The following THRB variants were observed in gnomAD, a reference collection of about 807,000 sequenced individuals.
The protein encoded by THRB is thyroid hormone receptor beta.
A neutral mutation model predicts 47.8 loss-of-function variants in THRB; 12 were observed. The observed-to-expected ratio is 0.25, with a 90% CI of 0.16 to 0.41. THRB has a LOEUF of 0.41. Ranked by LOEUF, THRB falls within the 10% of genes least tolerant of loss-of-function variation. The probability of loss-of-function intolerance (pLI) is 1.00; values close to 1 mark genes in which losing one functional copy is unlikely to be tolerated. For missense variants in THRB, 348 were observed against 589.2 expected, an observed-to-expected ratio of 0.59 and a Z score of 4.24; for synonymous variants, 218 against 212.2, an observed-to-expected ratio of 1.03 and a Z score of -0.24.
At chr3:24,156,245 G>A (rs2037819110) in intron 5 of THRB, among the ~76,000 whole-genome samples, 2 of 152,210 alleles carry the variant, frequency 1.3e-5, no homozygotes, top group South Asian at 4.1e-4. Context: ...TGCCTTCTTG[G>A]TTGAAAACAG....
intron 8 of THRB, among the ~76,000 whole-genome samples, chr3:24,142,569 AG>A (rs1291736101): frequency 6.6e-6 from 1 of 152,252 alleles, no homozygotes; most frequent in Non-Finnish European, 1.5e-5. Context: ...AATGTGTCCT[AG>A]GGATACAAAT....
intron 1 of THRB, among the ~76,000 whole-genome samples, chr3:24,425,903 C>T (rs1162577695): frequency 6.6e-6 from 1 of 151,856 alleles, no homozygotes; most frequent in South Asian, 2.1e-4. Context: ...CTATGAGAAA[C>T]GATAAGTGTA....
chr3:24,235,545 A>T (rs1057481949), intron 3 of THRB, among the ~76,000 whole-genome samples: 2 of 152,138 alleles, frequency 1.3e-5, no homozygotes, highest in African/African-American at 4.8e-5. Context: ...AAGATTTAAC[A>T]GGGCTCATCT....
At chr3:24,348,224 G>T (rs553690759) in intron 1 of THRB, among the ~76,000 whole-genome samples, 2 of 152,222 alleles carry the variant, frequency 1.3e-5, no homozygotes, top group African/African-American at 4.8e-5. Context: ...AAAATGAAAA[G>T]CATCTGGTCC....
intron 1 of THRB, among the ~76,000 whole-genome samples, chr3:24,410,760 GT>G (rs1341204329): frequency 6.6e-6 from 1 of 151,778 alleles, no homozygotes; most frequent in Non-Finnish European, 1.5e-5. Context: ...CAAAAGCAAA[GT>G]AAAAGTTATT....
At chr3:24,180,157 T>G (rs1323917540) in intron 5 of THRB, among the ~76,000 whole-genome samples, 2 of 151,946 alleles carry the variant, frequency 1.3e-5, no homozygotes, top group African/African-American at 2.4e-5. Flanking sequence ...TATATCTTAG[T>G]CTTATTATAA....
intron 5 of THRB, among the ~76,000 whole-genome samples, chr3:24,186,252 T>C (rs908167685): frequency 1.7e-4 from 26 of 152,208 alleles, no homozygotes; most frequent in African/African-American, 6.0e-4. Context: ...ATCTTATTTC[T>C]ACCAAGCTCC....
chr3:24,131,290 C>T (rs1559410554), intron 9 of THRB, among the ~76,000 whole-genome samples: 1 of 152,100 alleles, frequency 6.6e-6, no homozygotes, highest in Non-Finnish European at 1.5e-5. Flanking sequence ...TAAATCATTA[C>T]CTTTATTATG....
chr3:24,482,837 G>A (rs898953006), intron 1 of THRB, among the ~76,000 whole-genome samples: 7 of 152,058 alleles, frequency 4.6e-5, no homozygotes, highest in Non-Finnish European at 7.4e-5. Context: ...GTACCTGAGC[G>A]ACATTATCAG....
chr3:24,449,427 C>A (rs1169881360), intron 1 of THRB, among the ~76,000 whole-genome samples: 1 of 152,116 alleles, frequency 6.6e-6, no homozygotes, highest in Non-Finnish European at 1.5e-5. Flanking sequence ...ATTCCCAGAA[C>A]CAAGTAACCC....
At chr3:24,176,090 A>C (rs73138648) in intron 5 of THRB, among the ~76,000 whole-genome samples, 2,046 of 152,224 alleles carry the variant, frequency 0.013, 44 homozygotes, top group African/African-American at 0.046. Flanking sequence ...GATGTGCTTA[A>C]TTTAATGTCA....
intron 3 of THRB, among the ~76,000 whole-genome samples, chr3:24,261,949 C>T (rs1013056696): frequency 6.6e-6 from 1 of 152,168 alleles, no homozygotes; most frequent in East Asian, 1.9e-4. Context: ...TTCTTCAGTT[C>T]TCTATCTGTA....
chr3:24,205,023 C>G (rs570991507), intron 4 of THRB, among the ~76,000 whole-genome samples: 3 of 152,302 alleles, frequency 2.0e-5, no homozygotes, highest in African/African-American at 7.2e-5. Flanking sequence ...AAATCTACAT[C>G]TGATTGGTGT....
At chr3:24,212,988 A>G (rs2046212142) in intron 4 of THRB, among the ~76,000 whole-genome samples, 1 of 152,238 alleles carries the variant, frequency 6.6e-6, no homozygotes, top group African/African-American at 2.4e-5. Flanking sequence ...GTGGCAAACA[A>G]TGCCATTCTT....
chr3:24,492,832 C>T (rs1176027051), intron 1 of THRB, among the ~76,000 whole-genome samples: 2 of 152,146 alleles, frequency 1.3e-5, no homozygotes, highest in Non-Finnish European at 2.9e-5. Context: ...TAAAAGTATA[C>T]CTTTGCATTG....
chr3:24,375,639 C>T (rs1025441371), intron 1 of THRB, among the ~76,000 whole-genome samples: 20 of 150,924 alleles, frequency 1.3e-4, no homozygotes, highest in African/African-American at 4.6e-4. Context: ...GCTAAATTTT[C>T]TTAGACCCCC....
intron 1 of THRB, among the ~76,000 whole-genome samples, chr3:24,460,602 T>C (rs889735828): frequency 6.6e-6 from 1 of 152,206 alleles, no homozygotes; most frequent in South Asian, 2.1e-4. Context: ...TAAGTAATGA[T>C]TGGCTATCTT....
At chr3:24,491,052 T>C (rs919237398) in intron 1 of THRB, among the ~76,000 whole-genome samples, 1 of 152,190 alleles carries the variant, frequency 6.6e-6, no homozygotes, top group Non-Finnish European at 1.5e-5. Context: ...GCAAGCACCA[T>C]GGCAGGCACT....
At chr3:24,227,366 G>A (rs1284719870) in intron 4 of THRB, among the ~76,000 whole-genome samples, 1 of 152,218 alleles carries the variant, frequency 6.6e-6, no homozygotes, top group Non-Finnish European at 1.5e-5. Flanking sequence ...CTGTAGCTAA[G>A]GTTGAATGTG....
Sources: allele counts gnomAD v4.1 joint callset (sites outside exome capture counted in the v4.1 genomes callset), GRCh38; gene constraint gnomAD v4.1.1; transcripts MANE v1.5; gene names NCBI Gene and HGNC (gene_info 2026-07-23, HGNC 2026-07-21).